Variants in ITGAE observed in about 807,000 individuals in gnomAD.
The protein encoded by ITGAE is integrin subunit alpha E.
In ITGAE, 99 loss-of-function variants were observed where a neutral mutation model predicts 136.5. That is an observed-to-expected ratio of 0.73 (90% CI 0.62 to 0.86). The LOEUF is 0.86. ITGAE is among the 40% of genes least tolerant of loss of function. The pLI is 0.00. For missense variants in ITGAE, 1,447 were observed against 1,515.3 expected (o/e 0.95, Z 0.75); for synonymous variants, 613 against 591.8 (o/e 1.04, Z -0.52).
rs565507702 is a variant in ITGAE at position 3,758,113 on chromosome 17, C to T, written c.867-254G>A. Among the ~76,000 whole-genome samples the T allele has an allele frequency of 6.3e-4, 96 of 152,248 alleles. 2 individuals are homozygous for T. The South Asian group carries it at 0.019, about 30-fold the overall frequency. ...CCTGGCAGTCCATTCCTCTTGTGTG[C>T]GTACAGGAAGACTCATGATATTAAA... is the stretch of plus-strand genomic sequence containing the variant. On this transcript the variant is annotated intron_variant, in intron 8 of 30. Coordinates refer to ENST00000263087, the MANE Select transcript of ITGAE (RefSeq NM_002208.5).
At position 3,714,629 on chromosome 17, in the gene ITGAE, G is replaced by A; in HGVS notation, c.*218C>T. On this transcript the variant is annotated 3_prime_UTR_variant, in exon 31 of 31. Coordinates refer to ENST00000263087, the MANE Select transcript of ITGAE (RefSeq NM_002208.5). ...GTATTTCCAGATTAAAGGCACTACT[G>A]CAAAGAAAAGTGTAAATTTATTTAA... is the stretch of plus-strand genomic sequence containing the variant. 1 of 431,288 alleles carries A rather than the reference G, an allele frequency of 2.3e-6. No individual in the cohort carries two copies. Among genetic ancestry groups the A allele is most frequent in the South Asian group, 5.3e-5 (1 of 18,792 alleles). 26.7% of individuals were successfully genotyped at this position (431,288 alleles called of 1,614,324 possible).
chr17:3,744,949 G>A (rs2051677077), intron 18 of ITGAE, among the ~76,000 whole-genome samples: 1 of 152,210 alleles, frequency 6.6e-6, no homozygotes, highest in South Asian at 2.1e-4. Flanking sequence ...AAGGAAGGCT[G>A]TAGACTTTAA....
In ITGAE at chr17:3,777,597, C is replaced by T. The variant is rs776293142; in HGVS notation, c.98G>A (p.Gly33Asp). 2 of 1,613,836 alleles carry T rather than the reference C, an allele frequency of 1.2e-6. No individual in the cohort carries two copies. Among genetic ancestry groups the T allele is most frequent in the South Asian group, 2.2e-5 (2 of 91,042 alleles). Reference sequence around the variant, plus strand: ...AAGGGAGCTGAGCACGAAAGGGGCACCTCCCTTGGGCGTGAGCCAGGGCCG... The same window carrying T: ...AAGGGAGCTGAGCACGAAAGGGGCATCTCCCTTGGGCGTGAGCCAGGGCCG... ...VARPWLTPKG[G>D]APFVLSSLLH... The change falls in exon 2 of 31, where the codon GGT becomes GAT. Residue 33 changes from glycine (G) to aspartate (D), a missense_variant. By Grantham distance (94) the Gly-to-Asp change is moderately conservative. Around this residue, in one of 3 missense-constraint regions of ITGAE, gnomAD observed 106 missense variants for 87.8 expected, o/e 1.21. Coordinates refer to ENST00000263087, the MANE Select transcript of ITGAE (RefSeq NM_002208.5).
At chr17:3,753,209 G>T in intron 14 of ITGAE, 81 bp downstream of exon 14, 1 of 1,487,608 alleles carries the variant, frequency 6.7e-7, no homozygotes, top group Non-Finnish European at 9.1e-7. Flanking sequence ...GCAGGGCCAG[G>T]GCACTCCCAG....
chr17:3,782,360 T>TGC (rs1381505748), intron 1 of ITGAE, among the ~76,000 whole-genome samples: 2 of 148,060 alleles, frequency 1.4e-5, no homozygotes, highest in African/African-American at 4.9e-5. Flanking sequence ...TGTGTGTGTG[T>TGC]GTGTGTGTGT....
chr17:3,723,536 A>T, intron 27 of ITGAE, 152 bp downstream of exon 27: 1 of 997,796 alleles, frequency 1.0e-6, no homozygotes, highest in Non-Finnish European at 1.5e-6. Flanking sequence ...CTCCAGCGGG[A>T]GCAATTGAGA....
chr17:3,758,980 C>T (rs546262684), intron 8 of ITGAE, among the ~76,000 whole-genome samples: 1 of 151,846 alleles, frequency 6.6e-6, no homozygotes, highest in African/African-American at 2.4e-5. Flanking sequence ...AAAAAATTAA[C>T]TGGGCGTGGT....
chr17:3,789,689 T>C (rs375058682), intron 1 of ITGAE, among the ~76,000 whole-genome samples: 1 of 152,030 alleles, frequency 6.6e-6, no homozygotes, highest in African/African-American at 2.4e-5. Flanking sequence ...TTTGTAGAGA[T>C]GGAGTTTCAC....
At chr17:3,752,128 G>C (rs1042880752) in intron 14 of ITGAE, among the ~76,000 whole-genome samples, 1 of 151,906 alleles carries the variant, frequency 6.6e-6, no homozygotes, top group South Asian at 2.1e-4. Flanking sequence ...TTGCCACCCA[G>C]GATGCACGCT....
At chr17:3,725,587 A>G in intron 26 of ITGAE, 3 of 1,614,188 alleles carry the variant, frequency 1.9e-6, no homozygotes, top group East Asian at 2.2e-5. Flanking sequence ...GAAGTGTGCA[A>G]CCGCACAGAA....
chr17:3,760,140 A>G lies in ITGAE; in HGVS notation c.714+32T>C, dbSNP rs750802297. ...GAGGTAGGGTGATTCTCAGCAATAG[A>G]TAAGTGTTAACCAGCTCTTAGGGAA... On this transcript the variant is annotated intron_variant, in intron 7 of 30. Transcript: ENST00000263087. The G allele has an allele frequency of 8.8e-6, 11 of 1,247,802 alleles. No individual in the cohort carries two copies. The Admixed American group carries it at 1.7e-4, about 19-fold the overall frequency. 77.3% of individuals were successfully genotyped at this position (1,247,802 alleles called of 1,614,324 possible). A position where few individuals can be genotyped will look rare whatever the true frequency, so the allele number is the denominator to read the frequency against.
intron 15 of ITGAE, 66 bp from the exon 16 acceptor site, chr17:3,750,548 C>A: frequency 1.3e-6 from 2 of 1,587,230 alleles, no homozygotes; most frequent in Non-Finnish European, 1.7e-6. Flanking sequence ...GGAGTCCTTT[C>A]ATGATCTATC....
intron 2 of ITGAE, among the ~76,000 whole-genome samples, chr17:3,765,229 G>A (rs911864571): frequency 1.6e-4 from 24 of 150,976 alleles, no homozygotes; most frequent in Admixed American, 1.1e-3. Context: ...GGTGCCTGTA[G>A]TCCCAGCTAC....
intron 1 of ITGAE, among the ~76,000 whole-genome samples, chr17:3,779,873 C>T (rs1226475786): frequency 2.0e-5 from 3 of 152,076 alleles, no homozygotes; most frequent in East Asian, 1.9e-4. Flanking sequence ...CATACTCCAA[C>T]GACAGCATGG....
At chr17:3,774,496 G>A (rs1339718288) in intron 2 of ITGAE, among the ~76,000 whole-genome samples, 1 of 152,180 alleles carries the variant, frequency 6.6e-6, no homozygotes, top group African/African-American at 2.4e-5. Context: ...AGGTGCGGTG[G>A]CTCATGCCTG....
At chr17:3,717,597 C>T (rs1485151559) in intron 29 of ITGAE, 3 of 152,256 alleles carry the variant, frequency 2.0e-5, no homozygotes, top group Non-Finnish European at 4.4e-5. Context: ...AACAAGACTT[C>T]TCTGCCTGCC....
rs1008297687 is a variant in ITGAE, at chr17:3,760,110, G to A, written c.714+62C>T. The stretch of plus-strand genomic sequence containing the variant: ...ATTGTGAGCAAATGTGGTGATTGTT[G>A]TTCTGAGGTAGGGTGATTCTCAGCA... On this transcript the variant is annotated intron_variant, in intron 7 of 30. Transcript: ENST00000263087. The A allele has an allele frequency of 1.5e-5, 15 of 973,038 alleles. No homozygotes were observed. In the South Asian group the frequency reaches 2.0e-4, roughly 13 times the overall value. 60.3% of individuals were successfully genotyped at this position (973,038 alleles called of 1,614,324 possible). A position where few individuals can be genotyped will look rare whatever the true frequency, so the allele number is the denominator to read the frequency against.
intron 2 of ITGAE, among the ~76,000 whole-genome samples, chr17:3,765,781 G>A (rs558880406): frequency 3.3e-5 from 5 of 152,176 alleles, no homozygotes; most frequent in East Asian, 1.9e-4. Context: ...TGGTGCCTTC[G>A]CGGTCTGACC....
At position 3,786,738 on chromosome 17, in the gene ITGAE, A is replaced by C. The variant is rs959808194; in HGVS notation, c.35-9078T>G. Among the ~76,000 whole-genome samples the C allele has an allele frequency of 5.9e-5, 9 of 152,072 alleles. 1 individual carries two copies. The highest frequency in any genetic ancestry group is 3.9e-4 in the East Asian group (2 of 5,144). ...AACTCCATCTCTACTAAAAATGCAAAAATTAGCTGGGCGTGGTGGCGCACA... is the reference window on the plus strand; with the variant it reads ...AACTCCATCTCTACTAAAAATGCAACAATTAGCTGGGCGTGGTGGCGCACA... On this transcript the variant is annotated intron_variant, in intron 1 of 30. Coordinates refer to ENST00000263087, the MANE Select transcript of ITGAE (RefSeq NM_002208.5).
Sources: allele counts gnomAD v4.1 joint callset (sites outside exome capture counted in the v4.1 genomes callset), GRCh38; gene constraint gnomAD v4.1.1; regional missense constraint gnomAD v4.1.1; transcripts MANE v1.5; gene names NCBI Gene and HGNC (gene_info 2026-07-23, HGNC 2026-07-21).